The following SNX14 variants were observed in gnomAD, a reference collection of about 807,000 sequenced individuals.
The protein encoded by SNX14 is sorting nexin 14.
Under a neutral mutation model 133.8 loss-of-function variants are expected in SNX14, and 93 were observed. The ratio of observed to expected loss-of-function variants is 0.70; its 90% CI spans 0.59 to 0.83. The LOEUF is 0.83. SNX14 is among the 40% of genes least tolerant of loss of function. The pLI, the probability that SNX14 is intolerant of heterozygous loss-of-function variation, is 0.00. For synonymous variants in SNX14, 368 were observed against 365.6 expected, an observed-to-expected ratio of 1.01 and a Z score of -0.07; for missense variants, 945 against 1,094.9, an observed-to-expected ratio of 0.86 and a Z score of 1.93.
chr6:85,510,516 C>G lies in SNX14; in HGVS notation c.2654-2457G>C, dbSNP rs530563078. Reference sequence around the variant, plus strand: ...GGATTTCTTTGTACATTTTTGGTAACAGTCCTTTATCTGATACGTCTTTTG... The same window carrying G: ...GGATTTCTTTGTACATTTTTGGTAAGAGTCCTTTATCTGATACGTCTTTTG... On this transcript the variant is annotated intron_variant, in intron 26 of 28. Coordinates refer to ENST00000314673, the MANE Select transcript of SNX14 (RefSeq NM_153816.6). Among the ~76,000 whole-genome samples, 10 of 152,284 alleles carry G rather than the reference C, an allele frequency of 6.6e-5. No homozygotes were observed. In the South Asian group the frequency reaches 2.1e-3, roughly 32 times the overall value.
chr6:85,540,548 A>G (rs1416129936), intron 15 of SNX14, among the ~76,000 whole-genome samples: 2 of 152,360 alleles, frequency 1.3e-5, no homozygotes, highest in South Asian at 2.1e-4. Context: ...GCTGTAACAT[A>G]AATTTTTAGG....
At chr6:85,508,739 T>C (rs532442644) in intron 26 of SNX14, among the ~76,000 whole-genome samples, 1 of 152,272 alleles carries the variant, frequency 6.6e-6, no homozygotes, top group East Asian at 1.9e-4. Context: ...TCTGGCTGCA[T>C]AGATGTCATG....
intron 21 of SNX14, among the ~76,000 whole-genome samples, chr6:85,523,624 T>G (rs1006237648): frequency 9.9e-5 from 15 of 151,884 alleles, no homozygotes; most frequent in Non-Finnish European, 2.9e-5. Flanking sequence ...ATACAAAAAT[T>G]ATCTGGGTGT....
Position 85,562,755 on chromosome 6 carries a change from A to G in SNX14, c.549+2577T>C, listed in dbSNP as rs531605280. Among the ~76,000 whole-genome samples the G allele has an allele frequency of 1.2e-3, 187 of 151,806 alleles. 1 individual carries two copies. The highest frequency in any genetic ancestry group is 4.2e-3 in the African/African-American group (173 of 41,410). On this transcript the variant is annotated intron_variant, in intron 6 of 28. Coordinates refer to ENST00000314673, the MANE Select transcript of SNX14 (RefSeq NM_153816.6). ...CAGGTGTGCACGATTACACCAGGCT[A>G]ATTTCTTTGTAGTTTTAGTAGAGAT...
intron 5 of SNX14, among the ~76,000 whole-genome samples, chr6:85,567,269 A>G (rs1305138884): frequency 1.3e-5 from 2 of 152,212 alleles, no homozygotes; most frequent in African/African-American, 4.8e-5. Flanking sequence ...CTTCCAGGTC[A>G]TATCTGGCAA....
chr6:85,541,515 T>C (rs996601028), intron 15 of SNX14, among the ~76,000 whole-genome samples: 2 of 152,218 alleles, frequency 1.3e-5, no homozygotes, highest in Non-Finnish European at 2.9e-5. Context: ...ATCCAGTTTA[T>C]AAATGGATAA....
intron 20 of SNX14, among the ~76,000 whole-genome samples, chr6:85,527,743 T>A (rs970384477): frequency 2.0e-5 from 3 of 151,952 alleles, no homozygotes; most frequent in Non-Finnish European, 4.4e-5. Context: ...GTGCACACAC[T>A]GAGAAAAATG....
At chr6:85,538,737 C>T in intron 16 of SNX14, 101 bp downstream of exon 16, 1 of 959,272 alleles carries the variant, frequency 1.0e-6, no homozygotes, top group Non-Finnish European at 1.6e-6. Flanking sequence ...CAGTTAATAC[C>T]ACAGTGTTCC....
Position 85,547,387 on chromosome 6 carries a change from G to A in SNX14, c.923C>T (p.Ala308Val), listed in dbSNP as rs1295277331. The A allele has an allele frequency of 1.2e-6, 2 of 1,613,238 alleles. No homozygotes were observed. The highest frequency in any genetic ancestry group is 1.3e-5 in the African/African-American group (1 of 75,004). ...AACCAAAGGAGAAGCCGGTTCAGTTGCTTTTTCAGGCTTTGAAAGAAAGAG... is the reference window on the plus strand; with the variant it reads ...AACCAAAGGAGAAGCCGGTTCAGTTACTTTTTCAGGCTTTGAAAGAAAGAG... Reference protein sequence around the residue: ...IFIDDSPPEKATEPASPLVPF... With the variant: ...IFIDDSPPEKVTEPASPLVPF... The change falls in exon 11 of 29, where the codon GCA becomes GTA. Residue 308 changes from alanine to valine, a missense_variant. Ala to Val is a moderately conservative substitution (Grantham distance 64). This residue lies in a region of SNX14 where 514 missense variants were observed against 538.8 expected (regional missense o/e 0.95). Coordinates refer to ENST00000314673, the MANE Select transcript of SNX14 (RefSeq NM_153816.6).
intron 1 of SNX14, among the ~76,000 whole-genome samples, chr6:85,586,854 T>C (rs1475633221): frequency 2.0e-5 from 3 of 151,986 alleles, no homozygotes; most frequent in Non-Finnish European, 4.4e-5. Flanking sequence ...CTGGCCAACA[T>C]GGCAAAACCC....
intron 21 of SNX14, among the ~76,000 whole-genome samples, chr6:85,524,650 G>A (rs1191051712): frequency 6.6e-6 from 1 of 152,050 alleles, no homozygotes; most frequent in Admixed American, 6.6e-5. Context: ...TGGGTGTCAT[G>A]GTGGGCACCT....
chr6:85,590,752 C>A (rs1802519667), intron 1 of SNX14, among the ~76,000 whole-genome samples: 1 of 152,072 alleles, frequency 6.6e-6, no homozygotes, highest in Non-Finnish European at 1.5e-5. Flanking sequence ...GCAATTCTGC[C>A]CCCACATAAA....
intron 19 of SNX14, among the ~76,000 whole-genome samples, 163 bp downstream of exon 19, chr6:85,530,026 AAAT>A (rs1779728477): frequency 6.6e-6 from 1 of 152,220 alleles, no homozygotes; most frequent in African/African-American, 2.4e-5. Context: ...AGATAAATAA[AAAT>A]AAGATAAACA....
At chr6:85,535,428 A>G (rs1182118447) in intron 17 of SNX14, among the ~76,000 whole-genome samples, 3 of 151,876 alleles carry the variant, frequency 2.0e-5, no homozygotes, top group Admixed American at 6.6e-5. Flanking sequence ...CCTGGCCAAC[A>G]TGGTGAAACC....
chr6:85,593,849 G>T lies in SNX14; in HGVS notation c.-131C>A. 3.3e-6 allele frequency: 5 copies of T among 1,502,686 alleles called. No individual in the cohort carries two copies. The highest frequency in any genetic ancestry group is 4.4e-6 in the Non-Finnish European group (5 of 1,132,730). 93.1% of individuals were successfully genotyped at this position (1,502,686 alleles called of 1,614,324 possible). A position where few individuals can be genotyped will look rare whatever the true frequency, so the allele number is the denominator to read the frequency against. ...AGACGCCTACCGGCAGTTAGCCGCC[G>T]CAGGCTGAGGTCGCGTCCGGCTGGG... On this transcript the variant is annotated 5_prime_UTR_variant, in exon 1 of 29. Transcript: ENST00000314673.
intron 4 of SNX14, among the ~76,000 whole-genome samples, chr6:85,571,249 A>G (rs529652720): frequency 2.6e-5 from 4 of 151,634 alleles, no homozygotes; most frequent in Admixed American, 2.6e-4. Flanking sequence ...AGTCCCAGCT[A>G]CTCGGGAGGC....
chr6:85,547,383 A>C lies in SNX14; in HGVS notation c.927T>G (p.Thr309=), dbSNP rs549931882. ...ATGGAACCAAAGGAGAAGCCGGTTC[A>C]GTTGCTTTTTCAGGCTTTGAAAGAA... ...FIDDSPPEKA[T]EPASPLVPFL... is the part of the protein sequence containing the mutation. Residue 309 remains threonine (T), a synonymous_variant, in exon 11 of 29, where the codon ACT becomes ACG. Coordinates refer to ENST00000314673, the MANE Select transcript of SNX14 (RefSeq NM_153816.6). The C allele has an allele frequency of 4.3e-6, 7 of 1,613,510 alleles. No individual in the cohort carries two copies. Among genetic ancestry groups the C allele is most frequent in the African/African-American group, 4.0e-5 (3 of 75,036 alleles).
intron 26 of SNX14, 134 bp from the exon 27 acceptor site, chr6:85,508,193 G>C: frequency 7.2e-7 from 1 of 1,383,916 alleles, no homozygotes; most frequent in Non-Finnish European, 9.3e-7. Flanking sequence ...CCCCAAACCA[G>C]TGTTTCTATA....
chr6:85,573,337 G>A lies in SNX14; in HGVS notation c.261+921C>T, dbSNP rs1409570216. ...TCTACTAAAAATACAAAAATTAGCT[G>A]GGCCTGGTGGCGTGTGCCTGTAATC... On this transcript the variant is annotated intron_variant, in intron 2 of 28. Coordinates refer to ENST00000314673, the MANE Select transcript of SNX14 (RefSeq NM_153816.6). Among the ~76,000 whole-genome samples the A allele has an allele frequency of 2.0e-5, 3 of 152,132 alleles. No individual in the cohort carries two copies. The South Asian group carries it at 6.2e-4, about 32-fold the overall frequency.
Sources: allele counts gnomAD v4.1 joint callset (sites outside exome capture counted in the v4.1 genomes callset), GRCh38; gene constraint gnomAD v4.1.1; regional missense constraint gnomAD v4.1.1; transcripts MANE v1.5; gene names NCBI Gene and HGNC (gene_info 2026-07-23, HGNC 2026-07-21).